RICTOR: variants seen among roughly 807,000 people sequenced by gnomAD.
RICTOR encodes rapamycin-insensitive companion of mTOR.
RICTOR carries 49 observed loss-of-function variants against 214.9 expected under a neutral mutation model. The ratio of observed to expected loss-of-function variants is 0.23; its 90% CI spans 0.18 to 0.29. RICTOR has a LOEUF of 0.29. Among genes scored for constraint, RICTOR ranks in the 10% least tolerant of loss-of-function variants. The pLI, the probability that RICTOR is intolerant of heterozygous loss-of-function variation, is 1.00. For missense variants in RICTOR, 1,625 were observed against 2,047.0 expected (o/e 0.79, Z 3.98); for synonymous variants, 717 against 711.3 (o/e 1.01, Z -0.13).
At chr5:39,038,805 T>A (rs562323244) in intron 2 of RICTOR, among the ~76,000 whole-genome samples, 1 of 151,836 alleles carries the variant, frequency 6.6e-6, no homozygotes, top group Non-Finnish European at 1.5e-5. Flanking sequence ...CACTGCTCAA[T>A]GAAATAAAAG....
rs888831406 is a variant in RICTOR at position 38,942,987 on chromosome 5, A to G, written c.4914-16T>C. On this transcript the variant is annotated splice_polypyrimidine_tract_variant and intron_variant, in intron 36 of 37. Transcript: ENST00000357387. ...CTCCTTAATTCTAAAATAAAAGATT[A>G]TGGTGTGATGAAAACTGTAATCATG... 3 of 1,575,044 alleles carry G rather than the reference A, an allele frequency of 1.9e-6. No homozygotes were observed. The highest frequency in any genetic ancestry group is 1.7e-6 in the Non-Finnish European group (2 of 1,145,190).
At chr5:39,036,708 A>C (rs984954760) in intron 2 of RICTOR, among the ~76,000 whole-genome samples, 7 of 152,224 alleles carry the variant, frequency 4.6e-5, no homozygotes, top group Admixed American at 4.6e-4. Context: ...CAAAGATCAA[A>C]AGAGACAAAG....
At chr5:39,071,202 T>C (rs889103961) in intron 2 of RICTOR, among the ~76,000 whole-genome samples, 2 of 152,208 alleles carry the variant, frequency 1.3e-5, no homozygotes, top group African/African-American at 2.4e-5. Context: ...TGAAATACAG[T>C]ATCACATTTT....
At chr5:39,063,027 C>A (rs72635283) in intron 2 of RICTOR, among the ~76,000 whole-genome samples, 2,656 of 152,078 alleles carry the variant, frequency 0.017, 51 homozygotes, top group African/African-American at 0.049. Context: ...CCACCCATCC[C>A]ATTTATATTC....
rs1470656205 is a variant in RICTOR at position 38,938,970 on chromosome 5, A to C, written c.*3334T>G. On this transcript the variant is annotated 3_prime_UTR_variant, in exon 38 of 38. Coordinates refer to ENST00000357387, the MANE Select transcript of RICTOR (RefSeq NM_152756.5). ...GTGAATCTGAGACAAAAGTGGAAGC[A>C]TAAGACTAAAGGAGAAAAAACCTTA... 1 of 233,104 alleles carries C rather than the reference A, an allele frequency of 4.3e-6. No individual in the cohort carries two copies. Among genetic ancestry groups the C allele is most frequent in the Non-Finnish European group, 8.5e-6 (1 of 117,690 alleles). 14.4% of individuals were successfully genotyped at this position (233,104 alleles called of 1,614,324 possible).
intron 3 of RICTOR, among the ~76,000 whole-genome samples, chr5:39,020,776 G>A (rs565723191): frequency 6.6e-6 from 1 of 152,202 alleles, no homozygotes; most frequent in South Asian, 2.1e-4. Flanking sequence ...ATCCTTATGT[G>A]AATAAAAGGT....
At chr5:39,035,703 G>A (rs919961840) in intron 2 of RICTOR, among the ~76,000 whole-genome samples, 6 of 152,190 alleles carry the variant, frequency 3.9e-5, no homozygotes, top group Non-Finnish European at 8.8e-5. Flanking sequence ...TCGATCAACT[G>A]GAAGAAAGGG....
At chr5:38,995,817 G>A (rs1355912223) in intron 6 of RICTOR, among the ~76,000 whole-genome samples, 1 of 152,118 alleles carries the variant, frequency 6.6e-6, no homozygotes, top group Non-Finnish European at 1.5e-5. Flanking sequence ...AATTTGAAAA[G>A]TCAAATTACA....
intron 7 of RICTOR, among the ~76,000 whole-genome samples, chr5:38,989,586 A>G (rs1752433603): frequency 6.6e-6 from 1 of 152,184 alleles, no homozygotes; most frequent in African/African-American, 2.4e-5. Context: ...ATGGGAAAAA[A>G]ATTTTGCAAT....
chr5:39,056,574 C>T (rs12654533), intron 2 of RICTOR, among the ~76,000 whole-genome samples: 1 of 151,844 alleles, frequency 6.6e-6, no homozygotes, highest in Non-Finnish European at 1.5e-5. Flanking sequence ...GAGGTCGAGG[C>T]TGCAGCGAGC....
intron 2 of RICTOR, among the ~76,000 whole-genome samples, chr5:39,064,635 T>C (rs1240994031): frequency 6.6e-6 from 1 of 152,208 alleles, no homozygotes; most frequent in Admixed American, 6.5e-5. Context: ...CTTGGTAGCC[T>C]GAGACCTGGG....
intron 11 of RICTOR, among the ~76,000 whole-genome samples, chr5:38,968,737 TAAAA>T (rs1157586174): frequency 7.6e-6 from 1 of 131,510 alleles, no homozygotes; most frequent in Non-Finnish European, 1.6e-5. Context: ...CCCTGCCTCT[TAAAA>T]AAAAAAAAAA....
At chr5:38,997,764 G>A (rs1753285114) in intron 5 of RICTOR, among the ~76,000 whole-genome samples, 1 of 152,170 alleles carries the variant, frequency 6.6e-6, no homozygotes, top group Non-Finnish European at 1.5e-5. Context: ...TGTTCCCTGG[G>A]TGCATCTGTC....
At chr5:39,017,439 G>A (rs1013158264) in intron 3 of RICTOR, among the ~76,000 whole-genome samples, 8 of 151,984 alleles carry the variant, frequency 5.3e-5, no homozygotes, top group Non-Finnish European at 8.8e-5. Context: ...GTTGAAGAAA[G>A]ATGTTTGAAG....
intron 27 of RICTOR, 177 bp downstream of exon 27, chr5:38,954,597 A>G (rs1453327212): frequency 1.9e-6 from 1 of 522,152 alleles, no homozygotes; most frequent in Non-Finnish European, 3.4e-6. Flanking sequence ...AATATTTCTC[A>G]GGTTAATAAA....
rs113301935 is a variant in RICTOR at position 39,047,472 on chromosome 5, C to A, written c.98-26336G>T. Among the ~76,000 whole-genome samples the A allele has an allele frequency of 5.6e-3, 856 of 152,310 alleles. 8 individuals are homozygous for A. The highest frequency in any genetic ancestry group is 0.02 in the African/African-American group (819 of 41,570). On this transcript the variant is annotated intron_variant, in intron 2 of 37. Coordinates refer to ENST00000357387, the MANE Select transcript of RICTOR (RefSeq NM_152756.5). ...GCTGTGTGGCCCCGTTCCTAACAGG[C>A]CACGGACTGGTACCGGTGCACAGCC...
rs1363721747 is a variant in RICTOR, at chr5:38,938,428, C to T, written c.*3876G>A. ...TCCCCCTCTCTGCCCCAAGACTTTG[C>T]ATTTTGTGCTAAATCAACCAAGTAG... On this transcript the variant is annotated 3_prime_UTR_variant, in exon 38 of 38. Coordinates refer to ENST00000357387, the MANE Select transcript of RICTOR (RefSeq NM_152756.5). The T allele has an allele frequency of 4.3e-6, 1 of 231,188 alleles. No homozygotes were observed. Among genetic ancestry groups the T allele is most frequent in the African/African-American group, 2.2e-5 (1 of 45,196 alleles). 14.3% of individuals were successfully genotyped at this position (231,188 alleles called of 1,614,324 possible).
At chr5:39,014,183 C>G (rs1754764093) in intron 3 of RICTOR, among the ~76,000 whole-genome samples, 1 of 152,076 alleles carries the variant, frequency 6.6e-6, no homozygotes, top group African/African-American at 2.4e-5. Flanking sequence ...ATGAAATCAC[C>G]TAACGATGCA....
intron 2 of RICTOR, among the ~76,000 whole-genome samples, chr5:39,037,474 G>C (rs1363915546): frequency 6.6e-6 from 1 of 151,986 alleles, no homozygotes; most frequent in Non-Finnish European, 1.5e-5. Context: ...GATCAGAGCA[G>C]AACTGAAGGA....
Sources: allele counts gnomAD v4.1 joint callset (sites outside exome capture counted in the v4.1 genomes callset), GRCh38; gene constraint gnomAD v4.1.1; transcripts MANE v1.5; gene names NCBI Gene and HGNC (gene_info 2026-07-23, HGNC 2026-07-21).